TEX36: variants seen among roughly 807,000 people sequenced by gnomAD.
The protein encoded by TEX36 is testis expressed 36.
A neutral mutation model predicts 13.6 loss-of-function variants in TEX36; 12 were observed. The ratio of observed to expected loss-of-function variants is 0.88; its 90% CI spans 0.56 to 1.43. TEX36 has a LOEUF of 1.43. Ranked by LOEUF, TEX36 falls within the 40% of genes most tolerant of loss-of-function variation. The pLI is 0.00. For synonymous variants in TEX36, 93 were observed against 83.0 expected, an observed-to-expected ratio of 1.12 and a Z score of -0.65; for missense variants, 224 against 228.3, an observed-to-expected ratio of 0.98 and a Z score of 0.12.
At chr10:125,666,899 G>A in intron 1 of TEX36, 1 of 457,816 alleles carries the variant, frequency 2.2e-6, no homozygotes. Flanking sequence ...TAGAGATGAA[G>A]AGGGACTCTC....
intron 3 of TEX36, among the ~76,000 whole-genome samples, chr10:125,631,113 CAG>C (rs2133567422): frequency 6.6e-6 from 1 of 152,316 alleles, no homozygotes; most frequent in East Asian, 1.9e-4. Context: ...ACCCTGGAAA[CAG>C]ACACTGAAGC....
rs146657059 is a variant in TEX36, at chr10:125,601,948, C to T, written c.265-25074G>A. ...ATGCGGGGTGTCTTCCTTGTCCCTG[C>T]TCTTGCTGCTCTGCCAAAGATGCAC... On this transcript the variant is annotated intron_variant, in intron 3 of 3. Transcript: ENST00000532135. Among the ~76,000 whole-genome samples the T allele has an allele frequency of 4.0e-3, 603 of 152,310 alleles. 4 individuals are homozygous for T. The highest frequency in any genetic ancestry group is 6.8e-3 in the Middle Eastern group (2 of 294).
At chr10:125,674,122 C>T (rs895777730) in intron 1 of TEX36, among the ~76,000 whole-genome samples, 2 of 152,100 alleles carry the variant, frequency 1.3e-5, no homozygotes, top group African/African-American at 4.8e-5. Flanking sequence ...CATTCCTTTT[C>T]ATTCATTTTT....
intron 3 of TEX36, among the ~76,000 whole-genome samples, chr10:125,592,825 G>T (rs1490816001): frequency 6.6e-6 from 1 of 152,108 alleles, no homozygotes; most frequent in African/African-American, 2.4e-5. Flanking sequence ...CTTTACTTAG[G>T]CTCACCCATT....
intron 3 of TEX36, among the ~76,000 whole-genome samples, chr10:125,615,259 T>C (rs934296414): frequency 6.6e-5 from 10 of 152,000 alleles, no homozygotes; most frequent in African/African-American, 2.4e-4. Context: ...CTTTTCCTAA[T>C]TGAATACCCT....
At chr10:125,602,009 C>T (rs1389184995) in intron 3 of TEX36, among the ~76,000 whole-genome samples, 3 of 152,126 alleles carry the variant, frequency 2.0e-5, no homozygotes, top group African/African-American at 4.8e-5. Context: ...AGCAGGGAGG[C>T]GAACAGATTT....
chr10:125,610,053 A>G (rs901295150), intron 3 of TEX36, among the ~76,000 whole-genome samples: 8 of 152,354 alleles, frequency 5.3e-5, no homozygotes, highest in South Asian at 2.1e-4. Context: ...CACCACTGCC[A>G]TGACAGCTTA....
downstream of TEX36, among the ~76,000 whole-genome samples, chr10:125,618,852 A>G (rs1846390647): frequency 6.7e-6 from 1 of 149,828 alleles, no homozygotes. Context: ...CACGCCTGTA[A>G]TCCTAGCACT....
At chr10:125,624,661 G>A (rs1355385545) in intron 3 of TEX36, among the ~76,000 whole-genome samples, 4 of 149,332 alleles carry the variant, frequency 2.7e-5, no homozygotes, top group Admixed American at 6.7e-5. Flanking sequence ...AAATACTCAT[G>A]AGATGTATAA....
At chr10:125,609,728 G>A (rs992837851) in intron 3 of TEX36, among the ~76,000 whole-genome samples, 1 of 152,186 alleles carries the variant, frequency 6.6e-6, no homozygotes, top group African/African-American at 2.4e-5. Context: ...GGGGACACAC[G>A]TTGCAGCAGC....
At chr10:125,617,188 G>T (rs1429666206), downstream of TEX36, among the ~76,000 whole-genome samples, 1 of 149,386 alleles carries the variant, frequency 6.7e-6, no homozygotes, top group Non-Finnish European at 1.5e-5. Context: ...GTCTCTGCAC[G>T]TGAGATGGGT....
chr10:125,653,030 C>T (rs932686748), downstream of TEX36, among the ~76,000 whole-genome samples: 14 of 152,216 alleles, frequency 9.2e-5, no homozygotes, highest in African/African-American at 3.4e-4. Context: ...CACTTTTACA[C>T]TGTTGGTGGG....
Position 125,650,030 on chromosome 10 carries a change from T to G in TEX36, c.264+10991A>C, listed in dbSNP as rs146232310. ...TAGAGACCTAGAAAGAGACTTAGATTCCCACACAATAATTATGGGAGACTG... is the reference window on the plus strand; with the variant it reads ...TAGAGACCTAGAAAGAGACTTAGATGCCCACACAATAATTATGGGAGACTG... On this transcript the variant is annotated intron_variant, in intron 3 of 3. Transcript: ENST00000526819. Among the ~76,000 whole-genome samples the G allele has an allele frequency of 4.6e-5, 7 of 152,222 alleles. No individual in the cohort carries two copies. The East Asian group carries it at 1.4e-3, about 29-fold the overall frequency.
At chr10:125,619,547 TTTTG>T (rs1026494443), downstream of TEX36, among the ~76,000 whole-genome samples, 5 of 152,094 alleles carry the variant, frequency 3.3e-5, no homozygotes, top group Admixed American at 2.6e-4. Flanking sequence ...GTAATTTGTT[TTTTG>T]TTTGTTTGTT....
intron 3 of TEX36, among the ~76,000 whole-genome samples, chr10:125,637,183 C>A (rs1394960963): frequency 6.6e-6 from 1 of 151,892 alleles, no homozygotes; most frequent in Admixed American, 6.6e-5. Flanking sequence ...GTGGTAGACA[C>A]CTGTGGTCTC....
downstream of TEX36, among the ~76,000 whole-genome samples, chr10:125,619,616 T>C (rs968005740): frequency 6.6e-6 from 1 of 152,176 alleles, no homozygotes; most frequent in Non-Finnish European, 1.5e-5. Flanking sequence ...AGTGGCGCTG[T>C]CTTGGCTCGC....
chr10:125,616,172 C>G (rs1477136901), intron 3 of TEX36, among the ~76,000 whole-genome samples: 2 of 152,076 alleles, frequency 1.3e-5, no homozygotes, highest in Non-Finnish European at 2.9e-5. Context: ...ATTCTTCTCT[C>G]TTTTTTTCTT....
chr10:125,579,851 T>C (rs1445015817), intron 3 of TEX36, among the ~76,000 whole-genome samples: 2 of 152,150 alleles, frequency 1.3e-5, no homozygotes, highest in East Asian at 3.9e-4. Flanking sequence ...CCATGCTTCC[T>C]GTACAGCCTG....
At chr10:125,676,934 T>G (rs1052367976) in intron 1 of TEX36, among the ~76,000 whole-genome samples, 4 of 152,222 alleles carry the variant, frequency 2.6e-5, no homozygotes, top group Non-Finnish European at 4.4e-5. Flanking sequence ...TGGGAAAGAC[T>G]GTATTTCTCC....
Sources: gnomAD v4.1 joint callset for allele counts (sites outside exome capture counted in the v4.1 genomes callset) on GRCh38, gnomAD v4.1.1 for gene constraint, MANE v1.5 for transcripts, NCBI Gene and HGNC (gene_info 2026-07-23, HGNC 2026-07-21) for gene names.